Variants in XPO7 observed in about 807,000 individuals in gnomAD.
XPO7 encodes exportin 7, also known as exportin-7.
Under a neutral mutation model 144.3 loss-of-function variants are expected in XPO7, and 21 were observed. The ratio of observed to expected loss-of-function variants is 0.15; its 90% CI spans 0.10 to 0.21. The LOEUF is 0.21. XPO7 is among the 10% of genes least tolerant of loss of function. XPO7 has a pLI of 1.00. For synonymous variants in XPO7, 580 were observed against 499.6 expected, an observed-to-expected ratio of 1.16 and a Z score of -2.15; for missense variants, 808 against 1,325.8, an observed-to-expected ratio of 0.61 and a Z score of 6.06.
rs557986095 is a variant in XPO7 at position 21,994,465 on chromosome 8, A to G, written c.2237+14A>G. 7 of 1,606,164 alleles carry G rather than the reference A, an allele frequency of 4.4e-6. No individual in the cohort carries two copies. The highest frequency in any genetic ancestry group is 2.2e-5 in the East Asian group (1 of 44,738). On this transcript the variant is annotated intron_variant, in intron 20 of 27. Transcript: ENST00000252512. ...CTTTGAATGGATGTATCCTAACTCA[A>G]ACTAGGAGCACACTACAGCCTGCCT... is the stretch of plus-strand genomic sequence containing the variant.
intron 1 of XPO7, among the ~76,000 whole-genome samples, chr8:21,931,490 G>A (rs574797421): frequency 3.5e-4 from 54 of 152,338 alleles, no homozygotes; most frequent in Middle Eastern, 3.4e-3. Context: ...CGCAAGACTT[G>A]AGTGAAACAC....
intron 15 of XPO7, 60 bp downstream of exon 15, chr8:21,987,917 T>C (rs2306645): frequency 0.55 from 847,826 of 1,553,998 alleles, 234,131 homozygotes; most frequent in African/African-American, 0.72. Context: ...AACTGTAAAA[T>C]GTGATCTTGG....
intron 1 of XPO7, among the ~76,000 whole-genome samples, chr8:21,943,104 C>G (rs1042809031): frequency 2.0e-5 from 3 of 152,172 alleles, no homozygotes; most frequent in African/African-American, 7.2e-5. Context: ...TTAGCTCTTA[C>G]AGACCTCCTA....
At chr8:21,982,269 G>GA (rs1282319218) in intron 10 of XPO7, among the ~76,000 whole-genome samples, 1 of 152,090 alleles carries the variant, frequency 6.6e-6, no homozygotes, top group African/African-American at 2.4e-5. Context: ...GGGGACTGAT[G>GA]AAAAAATATA....
At chr8:21,946,418 G>C (rs1012353124) in intron 1 of XPO7, among the ~76,000 whole-genome samples, 1 of 151,858 alleles carries the variant, frequency 6.6e-6, no homozygotes, top group African/African-American at 2.4e-5. Flanking sequence ...TAGCATATTA[G>C]ATAGTGTAGA....
At chr8:21,938,484 T>C (rs1052701018) in intron 1 of XPO7, among the ~76,000 whole-genome samples, 1 of 152,200 alleles carries the variant, frequency 6.6e-6, no homozygotes, top group African/African-American at 2.4e-5. Flanking sequence ...TGGTATGCCA[T>C]GTGATGACTC....
At chr8:21,962,304 C>T (rs944402830) in intron 1 of XPO7, among the ~76,000 whole-genome samples, 2 of 152,132 alleles carry the variant, frequency 1.3e-5, no homozygotes, top group Non-Finnish European at 2.9e-5. Context: ...AAGAAGAAAC[C>T]TTGAATGTTC....
chr8:21,984,688 G>C lies in XPO7; in HGVS notation c.1320G>C (p.Gln440His), dbSNP rs771798783. ...CCCTGGAGGATACGGGGCTGGTCCA[G>C]CAGCAGTTGGACCAGCTGTCCACCA... is the stretch of plus-strand genomic sequence containing the variant. ...EDPLEDTGLVQQQLDQLSTIG... is the reference protein window; with the variant it reads ...EDPLEDTGLVHQQLDQLSTIG... Residue 440 changes from glutamine to histidine, a missense_variant, in exon 12 of 28, where the codon CAG becomes CAC. Gln to His is a conservative substitution (Grantham distance 24, BLOSUM62 0). Around this residue, in one of 5 missense-constraint regions of XPO7, gnomAD observed 416 missense variants for 612.5 expected, o/e 0.68. Transcript: ENST00000252512. 6.2e-7 allele frequency: 1 copy of C among 1,613,704 alleles called. No individual in the cohort carries two copies. Among genetic ancestry groups the C allele is most frequent in the African/African-American group, 1.3e-5 (1 of 74,926 alleles).
Position 21,994,425 on chromosome 8 carries a change from C to G in XPO7, c.2211C>G (p.Thr737=). The G allele has an allele frequency of 6.2e-7, 1 of 1,612,092 alleles. No homozygotes were observed. Among genetic ancestry groups the G allele is most frequent in the Non-Finnish European group, 8.5e-7 (1 of 1,178,584 alleles). The change falls in exon 20 of 28, where the codon ACC becomes ACG. Residue 737 remains threonine (T), a synonymous_variant. Transcript: ENST00000252512. ...RGIAFAFNAK[T]SFMMLFEWIY... ...TCGCTTTCGCTTTCAATGCCAAGAC[C>G]AGCTTCATGATGCTCTTTGAATGGA...
intron 1 of XPO7, among the ~76,000 whole-genome samples, chr8:21,954,375 C>T (rs1811467766): frequency 6.6e-6 from 1 of 152,182 alleles, no homozygotes. Context: ...GTGGCTTACA[C>T]CTGTAATCCC....
At chr8:21,955,160 A>T (rs1394130919) in intron 1 of XPO7, among the ~76,000 whole-genome samples, 1 of 152,246 alleles carries the variant, frequency 6.6e-6, no homozygotes, top group Non-Finnish European at 1.5e-5. Flanking sequence ...TTTCATACTC[A>T]GCCATTTTCA....
At position 21,969,468 on chromosome 8, in the gene XPO7, C is replaced by T. The variant is rs1288700646; in HGVS notation, c.166-15C>T. On this transcript the variant is annotated splice_polypyrimidine_tract_variant and intron_variant, in intron 2 of 27. Transcript: ENST00000252512. The stretch of plus-strand genomic sequence containing the variant: ...TCAATACAATTTTAAGTCCTTTTTC[C>T]CTCTCTTTTCACAGTCCTCTTACTC... 2 of 1,606,422 alleles carry T rather than the reference C, an allele frequency of 1.2e-6. No individual in the cohort carries two copies. The highest frequency in any genetic ancestry group is 3.4e-5 in the Admixed American group (2 of 59,052).
chr8:21,920,611 A>G (rs1293488203), intron 1 of XPO7, among the ~76,000 whole-genome samples: 2 of 152,324 alleles, frequency 1.3e-5, no homozygotes, highest in East Asian at 1.9e-4. Flanking sequence ...CCTCAAAGAC[A>G]GGCACAGGCC....
intron 1 of XPO7, among the ~76,000 whole-genome samples, chr8:21,938,351 A>T (rs987333523): frequency 6.6e-6 from 1 of 152,228 alleles, no homozygotes; most frequent in African/African-American, 2.4e-5. Flanking sequence ...GTACATTAAC[A>T]ATATTGTACA....
intron 24 of XPO7, 82 bp downstream of exon 24, chr8:21,999,756 G>A (rs17616085): frequency 0.4 from 629,703 of 1,558,982 alleles, 131,481 homozygotes; most frequent in Non-Finnish European, 0.43. Context: ...TCTTGCCCCA[G>A]TGTCCAAAAA....
At chr8:21,936,113 C>A (rs1478173526) in intron 1 of XPO7, among the ~76,000 whole-genome samples, 3 of 152,206 alleles carry the variant, frequency 2.0e-5, no homozygotes, top group African/African-American at 7.2e-5. Flanking sequence ...CTTTAGTTTC[C>A]AGTCTTTTAA....
intron 1 of XPO7, among the ~76,000 whole-genome samples, chr8:21,966,486 C>T (rs1811888418): frequency 6.6e-6 from 1 of 152,112 alleles, no homozygotes; most frequent in Non-Finnish European, 1.5e-5. Flanking sequence ...AGTAGCCGTG[C>T]CTCTGGTATT....
In XPO7 at chr8:21,994,738, G is replaced by C. The variant is rs576313729; in HGVS notation, c.2237+287G>C. ...AGAACTGTTGGTTTTGCTATATTTA[G>C]AGAGATGTTTCAGTCTGCTGAAAAA... On this transcript the variant is annotated intron_variant, in intron 20 of 27. Transcript: ENST00000252512. Among the ~76,000 whole-genome samples the C allele has an allele frequency of 3.9e-5, 6 of 152,250 alleles. No homozygotes were observed. In the South Asian group the frequency reaches 1.2e-3, roughly 32 times the overall value.
intron 1 of XPO7, among the ~76,000 whole-genome samples, chr8:21,921,250 G>A (rs993575597): frequency 2.6e-5 from 4 of 152,188 alleles, no homozygotes; most frequent in Non-Finnish European, 4.4e-5. Flanking sequence ...GATCTTACAA[G>A]ACTCAGGCAG....
Sources: gnomAD v4.1 joint callset for allele counts (sites outside exome capture counted in the v4.1 genomes callset) on GRCh38, gnomAD v4.1.1 for gene constraint, gnomAD v4.1.1 regional missense constraint, MANE v1.5 for transcripts, NCBI Gene and HGNC (gene_info 2026-07-23, HGNC 2026-07-21) for gene names.